ANO1: variants seen among roughly 807,000 people sequenced by gnomAD.
The protein encoded by ANO1 is anoctamin-1.
A neutral mutation model predicts 124.0 loss-of-function variants in ANO1; 59 were observed. The ratio of observed to expected loss-of-function variants is 0.48; its 90% confidence interval spans 0.39 to 0.59. The LOEUF (loss-of-function observed/expected upper bound fraction) is 0.59, where lower values mean the gene tolerates loss of function less well. ANO1 is among the 20% of genes least tolerant of loss of function. ANO1 has a pLI of 0.00. For missense variants in ANO1, 1,059 were observed against 1,328.0 expected, an observed-to-expected ratio of 0.80 and a Z score of 3.15; for synonymous variants, 529 against 532.0, an observed-to-expected ratio of 0.99 and a Z score of 0.08.
chr11:69,974,173 G>T, the ANO1 span, among the ~76,000 whole-genome samples: 1 of 151,894 alleles, frequency 6.6e-6, no homozygotes, highest in African/African-American at 2.4e-5. Context: ...ACAAAAATTA[G>T]CCAGGTGTGG....
At chr11:70,157,979 C>CAAAAAA (rs548012147) in intron 16 of ANO1, among the ~76,000 whole-genome samples, 1 of 74,288 alleles carries the variant, frequency 1.3e-5, no homozygotes, top group African/African-American at 5.4e-5. Flanking sequence ...GACCCTGTCT[C>CAAAAAA]AAAAAAAAAA....
chr11:69,976,314 C>T, the ANO1 span, among the ~76,000 whole-genome samples: 4 of 151,984 alleles, frequency 2.6e-5, no homozygotes, highest in African/African-American at 9.7e-5. Context: ...TCGAGACCAT[C>T]CTGGCTAACA....
At chr11:70,082,532 C>G (rs542956429) in intron 1 of ANO1, among the ~76,000 whole-genome samples, 21 of 152,310 alleles carry the variant, frequency 1.4e-4, no homozygotes, top group African/African-American at 5.1e-4. Flanking sequence ...TGCGCTCCAG[C>G]CTAGGCGACA....
At chr11:70,114,406 T>A (rs185331553) in intron 7 of ANO1, among the ~76,000 whole-genome samples, 1 of 152,362 alleles carries the variant, frequency 6.6e-6, no homozygotes, top group East Asian at 1.9e-4. Flanking sequence ...CTGAGCCGCG[T>A]GCACCCATGT....
At chr11:70,152,143 T>C (rs1407985061) in intron 12 of ANO1, among the ~76,000 whole-genome samples, 1 of 152,104 alleles carries the variant, frequency 6.6e-6, no homozygotes, top group Non-Finnish European at 1.5e-5. Context: ...AAGACCATCC[T>C]GGCTAACAGG....
Position 70,035,560 on chromosome 11 carries a change from T to G in ANO1, c.59-42982T>G, listed in dbSNP as rs528823170. On this transcript the variant is annotated intron_variant, in intron 1 of 27. Transcript: ENST00000531349. ...TATACTTTAAGTTCTGGGATACATA[T>G]GCAGAACGTGCAGGTTTGTTACATA... 2.7e-4 allele frequency among the ~76,000 whole-genome samples: 40 copies of G among 148,812 alleles called. No individual in the cohort carries two copies. In the East Asian group the frequency reaches 8.2e-3, roughly 30 times the overall value.
At chr11:70,172,596 G>T (rs977187799) in intron 22 of ANO1, among the ~76,000 whole-genome samples, 15 of 152,112 alleles carry the variant, frequency 9.9e-5, no homozygotes, top group Non-Finnish European at 1.8e-4. Flanking sequence ...TTGACCAGGC[G>T]CAGTGGCTCA....
At chr11:70,166,726 G>A (rs542475967) in intron 20 of ANO1, among the ~76,000 whole-genome samples, 1 of 152,224 alleles carries the variant, frequency 6.6e-6, no homozygotes, top group Non-Finnish European at 1.5e-5. Context: ...CTGCACCTCC[G>A]TTTCCTTCTG....
At chr11:69,974,226 G>A in the ANO1 span, among the ~76,000 whole-genome samples, 3 of 151,908 alleles carry the variant, frequency 2.0e-5, no homozygotes, top group Admixed American at 6.6e-5. Flanking sequence ...GGCTGAGGTG[G>A]GAGAAACGCT....
intron 6 of ANO1, among the ~76,000 whole-genome samples, chr11:70,110,291 A>G (rs897327458): frequency 6.7e-6 from 1 of 150,266 alleles, no homozygotes; most frequent in African/African-American, 2.5e-5. Flanking sequence ...GGTTTAAGCA[A>G]TTCTCCTGCC....
chr11:70,012,076 A>G (rs1371630450), intron 1 of ANO1, among the ~76,000 whole-genome samples: 1 of 151,876 alleles, frequency 6.6e-6, no homozygotes, highest in African/African-American at 2.4e-5. Context: ...TCATTCATCT[A>G]TCAATCTGTC....
chr11:70,035,769 G>A (rs1555004347), intron 1 of ANO1, among the ~76,000 whole-genome samples: 1 of 152,070 alleles, frequency 6.6e-6, no homozygotes, highest in Non-Finnish European at 1.5e-5. Flanking sequence ...GTAAGAACAT[G>A]CGGTGTTTGG....
intron 22 of ANO1, among the ~76,000 whole-genome samples, chr11:70,176,758 G>A (rs570255853): frequency 2.1e-4 from 32 of 152,140 alleles, no homozygotes; most frequent in Non-Finnish European, 3.4e-4. Context: ...TGCCCTGGCC[G>A]AGACGATGAA....
chr11:69,989,938 T>C (rs1225486464), intron 1 of ANO1, among the ~76,000 whole-genome samples: 3 of 152,168 alleles, frequency 2.0e-5, no homozygotes, highest in Admixed American at 2.0e-4. Context: ...TGGGGATAAG[T>C]GAGAGGTTTA....
At chr11:70,003,124 T>TA in intron 1 of ANO1, among the ~76,000 whole-genome samples, 1 of 152,332 alleles carries the variant, frequency 6.6e-6, no homozygotes, top group South Asian at 2.1e-4. Context: ...GAATTGTTTT[T>TA]ATCACTCTAA....
intron 11 of ANO1, among the ~76,000 whole-genome samples, chr11:70,137,622 G>T (rs938981861): frequency 6.9e-6 from 1 of 145,716 alleles, no homozygotes; most frequent in African/African-American, 2.4e-5. Context: ...CCCACTTGAC[G>T]GTCACTGGAT....
intron 1 of ANO1, among the ~76,000 whole-genome samples, chr11:70,010,177 G>GTA (rs1168022913): frequency 0.041 from 2,207 of 54,014 alleles, 133 homozygotes; most frequent in Non-Finnish European, 0.067. Flanking sequence ...GCGTGTGTGT[G>GTA]TGTATATATA....
chr11:70,049,688 G>GTTTT (rs1244896398), intron 1 of ANO1, among the ~76,000 whole-genome samples: 1 of 126,950 alleles, frequency 7.9e-6, no homozygotes, highest in Non-Finnish European at 1.6e-5. Context: ...TGCGGTCTAT[G>GTTTT]TTTTTTTGTT....
At chr11:70,132,714 G>A (rs2046809842) in intron 11 of ANO1, among the ~76,000 whole-genome samples, 1 of 152,224 alleles carries the variant, frequency 6.6e-6, no homozygotes, top group African/African-American at 2.4e-5. Flanking sequence ...AGGTTGGTAA[G>A]TGGTGGCTGA....
Sources: gnomAD v4.1 joint callset for allele counts (sites outside exome capture counted in the v4.1 genomes callset) on GRCh38, gnomAD v4.1.1 for gene constraint, MANE v1.5 for transcripts, NCBI Gene and HGNC (gene_info 2026-07-23, HGNC 2026-07-21) for gene names.